The following RGL1 variants were observed in gnomAD, a reference collection of about 807,000 sequenced individuals.
RGL1 encodes the protein ral guanine nucleotide dissociation stimulator like 1.
Under a neutral mutation model 95.2 loss-of-function variants are expected in RGL1, and 24 were observed. That is an observed-to-expected ratio of 0.25 (90% confidence interval 0.18 to 0.35). The LOEUF is 0.35. RGL1 is among the 10% of genes least tolerant of loss of function. RGL1 has a pLI of 1.00. For missense variants in RGL1, 715 were observed against 936.3 expected, an observed-to-expected ratio of 0.76 and a Z score of 3.08; for synonymous variants, 329 against 344.9, an observed-to-expected ratio of 0.95 and a Z score of 0.51.
At chr1:183,840,462 C>T (rs1201405889) in intron 2 of RGL1, among the ~76,000 whole-genome samples, 1 of 152,122 alleles carries the variant, frequency 6.6e-6, no homozygotes, top group Non-Finnish European at 1.5e-5. Context: ...AAGTCCTCAG[C>T]ATGTCAAAGT....
At chr1:183,687,791 C>T (rs903971849) in intron 1 of RGL1, among the ~76,000 whole-genome samples, 6 of 152,182 alleles carry the variant, frequency 3.9e-5, no homozygotes, top group South Asian at 4.2e-4. Context: ...AACTCGATAC[C>T]GGGCCAATGA....
intron 1 of RGL1, among the ~76,000 whole-genome samples, chr1:183,711,180 C>T (rs1484008358): frequency 6.6e-5 from 10 of 152,186 alleles, no homozygotes; most frequent in Non-Finnish European, 1.3e-4. Flanking sequence ...TCCTGGGCAA[C>T]TCACATCGTT....
intron 2 of RGL1, among the ~76,000 whole-genome samples, chr1:183,829,439 TAAAA>T (rs748047870): frequency 7.5e-6 from 1 of 132,816 alleles, no homozygotes. Flanking sequence ...AGACCCTGCT[TAAAA>T]AAAAAAAAAA....
chr1:183,836,672 G>A (rs1482722180), intron 2 of RGL1, among the ~76,000 whole-genome samples: 1 of 152,084 alleles, frequency 6.6e-6, no homozygotes, highest in Non-Finnish European at 1.5e-5. Context: ...AAGACACCTG[G>A]TGGGTTTATC....
At chr1:183,773,197 C>T (rs1457222751) in intron 2 of RGL1, among the ~76,000 whole-genome samples, 1 of 151,690 alleles carries the variant, frequency 6.6e-6, no homozygotes, top group African/African-American at 2.4e-5. Context: ...TTTTTCCTTC[C>T]TCCCTCCCTT....
chr1:183,833,483 C>G (rs1280529037), intron 2 of RGL1, among the ~76,000 whole-genome samples: 1 of 152,190 alleles, frequency 6.6e-6, no homozygotes, highest in Non-Finnish European at 1.5e-5. Context: ...GGGGCATGGG[C>G]TCAGGAATCA....
Position 183,806,469 on chromosome 1 carries a change from G to C in RGL1, c.122G>C (p.Gly41Ala). 6.2e-7 allele frequency: 1 copy of C among 1,613,356 alleles called. No individual in the cohort carries two copies. Among genetic ancestry groups the C allele is most frequent in the Non-Finnish European group, 8.5e-7 (1 of 1,179,406 alleles). The change falls in exon 2 of 18, where the codon GGA becomes GCA. Residue 41 changes from glycine (G) to alanine (A), a missense_variant. By Grantham distance (60) the Gly-to-Ala change is moderately conservative (BLOSUM62 0). Transcript: ENST00000360851. ...CAGATTCAACAGGCTGCCAATAAAG[G>C]AGCAAGATGGCTAGGGGTGAGTAAA... ...RVQIQQAANK[G>A]ARWLGVEGDQ...
At chr1:183,779,588 AG>A (rs1659792236) in intron 2 of RGL1, among the ~76,000 whole-genome samples, 1 of 152,128 alleles carries the variant, frequency 6.6e-6, no homozygotes, top group African/African-American at 2.4e-5. Flanking sequence ...AGACGTGCTC[AG>A]GTTTCACGAT....
At chr1:183,848,301 T>G (rs1664577856) in intron 3 of RGL1, among the ~76,000 whole-genome samples, 2 of 152,228 alleles carry the variant, frequency 1.3e-5, no homozygotes, top group South Asian at 4.1e-4. Flanking sequence ...TCCGTATTTT[T>G]AAGCTACTTA....
intron 2 of RGL1, among the ~76,000 whole-genome samples, chr1:183,760,637 A>AG: frequency 6.7e-6 from 1 of 149,614 alleles, no homozygotes; most frequent in East Asian, 2.0e-4. Flanking sequence ...CCAGCTACTC[A>AG]GGAGGCTGAG....
intron 7 of RGL1, among the ~76,000 whole-genome samples, chr1:183,887,271 G>A (rs1667176836): frequency 8.2e-6 from 1 of 121,262 alleles, no homozygotes; most frequent in Admixed American, 9.3e-5. Flanking sequence ...AAAAAGGGTG[G>A]ACATGACTTT....
At chr1:183,788,536 C>T (rs1660289560) in intron 2 of RGL1, among the ~76,000 whole-genome samples, 1 of 152,172 alleles carries the variant, frequency 6.6e-6, no homozygotes, top group Admixed American at 6.5e-5. Flanking sequence ...CAAGTTGACA[C>T]ATAAAATTAA....
intron 1 of RGL1, among the ~76,000 whole-genome samples, chr1:183,665,347 G>GTTTTC (rs140654238): frequency 0.082 from 12,414 of 152,088 alleles, 988 homozygotes; most frequent in African/African-American, 0.21. Flanking sequence ...TTGGTCTGTA[G>GTTTTC]TTTTCTTGTA....
rs149749629 is a variant in RGL1 at position 183,847,640 on chromosome 1, T to C, written c.213T>C (p.Ala71=). 6.2e-6 allele frequency: 10 copies of C among 1,614,144 alleles called. No homozygotes were observed. The highest frequency in any genetic ancestry group is 7.6e-6 in the Non-Finnish European group (9 of 1,179,972). The change falls in exon 3 of 18, where the codon GCT becomes GCC. Residue 71 remains alanine (A), a synonymous_variant. Coordinates refer to ENST00000360851, the MANE Select transcript of RGL1 (RefSeq NM_001297671.3). The stretch of plus-strand genomic sequence containing the variant: ...CCTGTAAGATCAGGACCATAAAAGC[T>C]GGCACCTTGGAGAAGCTTGTGGAGA... The part of the protein sequence containing the change: ...YETCKIRTIK[A]GTLEKLVENL...
chr1:183,912,265 A>G lies in RGL1; in HGVS notation c.1746A>G (p.Lys582=), dbSNP rs748563569. 1.9e-6 allele frequency: 3 copies of G among 1,613,628 alleles called. No individual in the cohort carries two copies. Among genetic ancestry groups the G allele is most frequent in the Non-Finnish European group, 2.5e-6 (3 of 1,179,738 alleles). The change falls in exon 15 of 18, where the codon AAA becomes AAG. Residue 582 remains lysine, a synonymous_variant. Transcript: ENST00000360851. ...TPMDTPDEPQ[K]KLSESSSSCS... ...TGGACACCCCTGATGAGCCTCAAAA[A>G]AAGGTATATACTCAACCCTTCTCAT... is the stretch of plus-strand genomic sequence containing the variant.
Position 183,683,015 on chromosome 1 carries a change from A to C in RGL1, c.-33+46514A>C, listed in dbSNP as rs139380648. 9.1e-3 allele frequency among the ~76,000 whole-genome samples: 1,334 copies of C among 146,946 alleles called. 4 individuals carry two copies. The highest frequency in any genetic ancestry group is 0.015 in the Non-Finnish European group (981 of 66,682). ...CCCCTTCTTTTTTTTTTTGCTTTCC[A>C]TTTGCTTGGTATATATTTCTCCATC... On this transcript the variant is annotated intron_variant, in intron 1 of 18. Coordinates refer to the RGL1 transcript ENST00000304685.
chr1:183,844,565 A>G (rs1664290573), intron 2 of RGL1, among the ~76,000 whole-genome samples: 1 of 152,226 alleles, frequency 6.6e-6, no homozygotes, highest in African/African-American at 2.4e-5. Flanking sequence ...AAACTTGACC[A>G]TAGGAGTTTT....
chr1:183,778,062 T>C (rs986423595), intron 2 of RGL1, among the ~76,000 whole-genome samples: 1 of 152,198 alleles, frequency 6.6e-6, no homozygotes, highest in African/African-American at 2.4e-5. Flanking sequence ...CAGCTCTGTA[T>C]TTTTTTCTTA....
At chr1:183,682,135 T>C (rs1458678225) in intron 1 of RGL1, among the ~76,000 whole-genome samples, 5 of 152,096 alleles carry the variant, frequency 3.3e-5, no homozygotes, top group Non-Finnish European at 4.4e-5. Context: ...GATTCATTGA[T>C]TTTTTTGAAG....
Sources: allele counts gnomAD v4.1 joint callset (sites outside exome capture counted in the v4.1 genomes callset), GRCh38; gene constraint gnomAD v4.1.1; transcripts MANE v1.5; gene names NCBI Gene and HGNC (gene_info 2026-07-23, HGNC 2026-07-21).